Variants in HSPA12B observed in about 807,000 individuals in gnomAD.
HSPA12B encodes heat shock protein family A (Hsp70) member 12B, also known as heat shock 70 kDa protein 12B.
In HSPA12B, 54 loss-of-function variants were observed where a neutral mutation model predicts 69.3. The observed-to-expected ratio is 0.78, with a 90% CI of 0.63 to 0.98. The LOEUF is 0.98. Ranked by LOEUF, HSPA12B falls within the 50% of genes least tolerant of loss-of-function variation. The pLI, the probability that HSPA12B is intolerant of heterozygous loss-of-function variation, is 0.00. For missense variants in HSPA12B, 929 were observed against 999.8 expected, an observed-to-expected ratio of 0.93 and a Z score of 0.96; for synonymous variants, 441 against 436.5, an observed-to-expected ratio of 1.01 and a Z score of -0.13.
intron 12 of HSPA12B, 196 bp from the exon 13 acceptor site, chr20:3,751,315 T>C (rs1600332539): frequency 1.0e-6 from 1 of 985,310 alleles, no homozygotes; most frequent in African/African-American, 1.7e-5. Flanking sequence ...GCGTGAGTGT[T>C]GGGGAGGCGA....
At position 3,745,108 on chromosome 20, in the gene HSPA12B, A is replaced by G. The variant is rs757542792; in HGVS notation, c.453+20A>G. 1 of 1,593,630 alleles carries G rather than the reference A, an allele frequency of 6.3e-7. No individual in the cohort carries two copies. The highest frequency in any genetic ancestry group is 8.6e-7 in the Non-Finnish European group (1 of 1,165,062). On this transcript the variant is annotated intron_variant, in intron 5 of 12. Transcript: ENST00000254963. This position sits in a 1 kb window ranked among gnomAD's most constrained non-coding sequence, Gnocchi z 5.6. The stretch of plus-strand genomic sequence containing the variant: ...GCCACGGTGAGTCACAGGGCTCCAG[A>G]CAGGGAGGCGGGGCCAGCATGGAAA...
chr20:3,742,245 C>T lies in HSPA12B; in HGVS notation c.142-39C>T, dbSNP rs115920834. 5.0e-6 allele frequency: 8 copies of T among 1,607,164 alleles called. No homozygotes were observed. In the African/African-American group the frequency reaches 9.3e-5, roughly 19 times the overall value. On this transcript the variant is annotated intron_variant, in intron 3 of 12. Transcript: ENST00000254963. ...GGGGCTGTGGGGGATGGGGGTGTCC[C>T]TGCTGGCTGCTTGCTAATTCTAAGT...
chr20:3,739,234 TTGAA>T (rs1026006360), intron 2 of HSPA12B, among the ~76,000 whole-genome samples: 1 of 139,752 alleles, frequency 7.2e-6, no homozygotes. Context: ...ACAGGAGTGT[TTGAA>T]TGTCCATGTG....
At position 3,742,358 on chromosome 20, in the gene HSPA12B, T is replaced by G; in HGVS notation, c.216T>G (p.Ser72Arg). The change falls in exon 4 of 13, where the codon AGT (serine) becomes AGG (arginine). Residue 72 changes from serine (S) to arginine (R), a missense_variant. Physicochemically the swap from Ser to Arg is moderately radical, Grantham distance 110 (BLOSUM62 -1). Around this residue, in one of 3 missense-constraint regions of HSPA12B, gnomAD observed 477 missense variants for 535.2 expected, o/e 0.89. Transcript: ENST00000254963. The part of the protein sequence containing the change: ...VVAIDFGTTS[S>R]GYAFSFASDP... ...CCATTGACTTCGGCACCACGTCTAG[T>G]GGCTATGCTTTCAGCTTTGCCAGTG... 1 of 1,614,104 alleles carries G rather than the reference T, an allele frequency of 6.2e-7. No homozygotes were observed. The highest frequency in any genetic ancestry group is 1.1e-5 in the South Asian group (1 of 91,076).
rs750990283 is a variant in HSPA12B at position 3,751,978 on chromosome 20, C to A, written c.1873C>A (p.Arg625Ser). 1 of 1,576,344 alleles carries A rather than the reference C, an allele frequency of 6.3e-7. No homozygotes were observed. Among genetic ancestry groups the A allele is most frequent in the Admixed American group, 1.8e-5 (1 of 56,666 alleles). ...DARFITDPGV[R>S]KCGALSLELE... ...GCGCTTCATCACCGACCCCGGCGTG[C>A]GCAAATGCGGCGCGCTCAGCCTCGA... is the stretch of plus-strand genomic sequence containing the variant. The change falls in exon 13 of 13, where the codon CGC becomes AGC. Residue 625 changes from arginine (R) to serine (S), a missense_variant. Around this residue, in one of 3 missense-constraint regions of HSPA12B, gnomAD observed 448 missense variants for 448.1 expected, o/e 1.00. Coordinates refer to ENST00000254963, the MANE Select transcript of HSPA12B (RefSeq NM_052970.5).
intron 12 of HSPA12B, 68 bp downstream of exon 12, chr20:3,750,975 C>G (rs2474437): frequency 7.5e-5 from 99 of 1,312,120 alleles, no homozygotes; most frequent in Non-Finnish European, 9.6e-5. Flanking sequence ...AATTCCCCCC[C>G]ATCAGTGCCT....
At chr20:3,741,588 G>T (rs982588191) in intron 3 of HSPA12B, among the ~76,000 whole-genome samples, 2 of 152,118 alleles carry the variant, frequency 1.3e-5, no homozygotes, top group Non-Finnish European at 2.9e-5. Flanking sequence ...AGCCAAGATC[G>T]CACCACTGCA....
At position 3,740,944 on chromosome 20, in the gene HSPA12B, G is replaced by A. The variant is rs2146563871; in HGVS notation, c.141+32G>A. The A allele has an allele frequency of 1.9e-6, 3 of 1,575,470 alleles. No individual in the cohort carries two copies. The highest frequency in any genetic ancestry group is 2.6e-6 in the Non-Finnish European group (3 of 1,152,144). Reference sequence around the variant, plus strand: ...CCAGAGCAGGGACCAGGTGGTGGGTGACCTGGCTGGTGTGGACAGGGTCGT... The same window carrying A: ...CCAGAGCAGGGACCAGGTGGTGGGTAACCTGGCTGGTGTGGACAGGGTCGT... On this transcript the variant is annotated intron_variant, in intron 3 of 12. Transcript: ENST00000254963. This position sits in a 1 kb window ranked among gnomAD's most constrained non-coding sequence, Gnocchi z 4.9.
intron 4 of HSPA12B, among the ~76,000 whole-genome samples, chr20:3,742,624 AG>A (rs2088221984): frequency 6.6e-6 from 1 of 152,230 alleles, no homozygotes. Flanking sequence ...AGGAAAAGTC[AG>A]ACTTTGTTTT....
At chr20:3,746,128 C>G in intron 7 of HSPA12B, 97 bp downstream of exon 7, 1 of 856,398 alleles carries the variant, frequency 1.2e-6, no homozygotes. Context: ...ACCACAGAGT[C>G]ATTGTGGAAA....
In HSPA12B at chr20:3,742,405, T is replaced by G; in HGVS notation, c.263T>G (p.Met88Arg). 1 of 1,609,550 alleles carries G rather than the reference T, an allele frequency of 6.2e-7. No homozygotes were observed. The highest frequency in any genetic ancestry group is 8.5e-7 in the Non-Finnish European group (1 of 1,176,502). The change falls in exon 4 of 13, where the codon ATG (methionine) becomes AGG (arginine). Residue 88 changes from methionine to arginine, a missense_variant. This residue lies in a region of HSPA12B where 477 missense variants were observed against 535.2 expected (regional missense o/e 0.89). Coordinates refer to ENST00000254963, the MANE Select transcript of HSPA12B (RefSeq NM_052970.5). ...AGTGACCCTGAGGCCATCCACATGA[T>G]GAGGTGAGGTCGGCTGGGCTGAGAG... is the stretch of plus-strand genomic sequence containing the variant. ...FASDPEAIHMMRKWEGGDPGV... is the reference protein window; with the variant it reads ...FASDPEAIHMRRKWEGGDPGV...
chr20:3,750,156 G>GC lies in HSPA12B; in HGVS notation c.1233dup (p.Phe412LeufsTer5). The stretch of plus-strand genomic sequence containing the variant: ...GTGCAGGGGCGCTCAACATCTCGCT[G>GC]CCCTTCTCCTTCATTGACTTCTACC... On this transcript the variant is annotated frameshift_variant, in exon 11 of 13. Coordinates refer to ENST00000254963, the MANE Select transcript of HSPA12B (RefSeq NM_052970.5). LOFTEE classifies it high-confidence loss of function. The GC allele has an allele frequency of 1.2e-6, 2 of 1,611,626 alleles. No individual in the cohort carries two copies. The highest frequency in any genetic ancestry group is 2.2e-5 in the South Asian group (2 of 90,904).
At position 3,745,723 on chromosome 20, in the gene HSPA12B, T is replaced by A. The variant is rs2088288912; in HGVS notation, c.558+126T>A. On this transcript the variant is annotated intron_variant, in intron 6 of 12. Transcript: ENST00000254963. The surrounding 1 kb of genome is among the most constrained non-coding windows in gnomAD (Gnocchi z 5.6). ...CCACCGCCGGAGCTCAGAGGTCATC[T>A]TCTCCAGTACCCTCCTCCCTTTTTG... 4.2e-6 allele frequency: 4 copies of A among 948,312 alleles called. No individual in the cohort carries two copies. The highest frequency in any genetic ancestry group is 6.7e-6 in the Non-Finnish European group (4 of 601,058). The allele number at this position is 948,312 out of a possible 1,614,324, so 58.7% of individuals were successfully genotyped here.
At position 3,744,782 on chromosome 20, in the gene HSPA12B, CG is replaced by C. The variant is rs1232900454; in HGVS notation, c.267-119del. 1.2e-6 allele frequency: 1 copy of C among 865,592 alleles called. No homozygotes were observed. The highest frequency in any genetic ancestry group is 1.8e-6 in the Non-Finnish European group (1 of 554,826). The allele number at this position is 865,592 out of a possible 1,614,324, so 53.6% of individuals were successfully genotyped here. Reference sequence around the variant, plus strand: ...TGTTTTCTCCTGCTGCCTATGGAGCCGACCCATAGCTAGTTCTCCCTGCTCT... The same window carrying C: ...TGTTTTCTCCTGCTGCCTATGGAGCCACCCATAGCTAGTTCTCCCTGCTCT... On this transcript the variant is annotated intron_variant, in intron 4 of 12. Coordinates refer to ENST00000254963, the MANE Select transcript of HSPA12B (RefSeq NM_052970.5). This position sits in a 1 kb window ranked among gnomAD's most constrained non-coding sequence, Gnocchi z 4.9.
In HSPA12B at chr20:3,742,218, T is replaced by C. The variant is rs1014133690; in HGVS notation, c.142-66T>C. 95 of 1,587,846 alleles carry C rather than the reference T, an allele frequency of 6.0e-5. No homozygotes were observed. In the South Asian group the frequency reaches 6.7e-4, roughly 11 times the overall value. On this transcript the variant is annotated intron_variant, in intron 3 of 12. Coordinates refer to ENST00000254963, the MANE Select transcript of HSPA12B (RefSeq NM_052970.5). ...GTGTCTTCCCCATGCAGAGGAAGCA[T>C]TGGGGCTGTGGGGGATGGGGGTGTC...
At position 3,749,899 on chromosome 20, in the gene HSPA12B, C is replaced by G; in HGVS notation, c.1042+45C>G. 4 of 1,536,092 alleles carry G rather than the reference C, an allele frequency of 2.6e-6. No homozygotes were observed. Among genetic ancestry groups the G allele is most frequent in the Non-Finnish European group, 3.5e-6 (4 of 1,138,294 alleles). ...CCCGGTACCCAGCGCGACCCGGGCT[C>G]CGGCCCCGCCACTGCCCCCTGGCGG... On this transcript the variant is annotated intron_variant, in intron 10 of 12. Transcript: ENST00000254963. The surrounding 1 kb of genome is among the most constrained non-coding windows in gnomAD (Gnocchi z 5.5).
Position 3,751,512 on chromosome 20 carries a change from G to A in HSPA12B, c.1407G>A (p.Glu469=), listed in dbSNP as rs1406512706. Reference sequence around the variant, plus strand: ...GCGTCCCCCCGTCCTGTCCCGCAGAGGCCCTGCTGGCACGGCCGGAGGTGC... The same window carrying A: ...GCGTCCCCCCGTCCTGTCCCGCAGAAGCCCTGCTGGCACGGCCGGAGGTGC... ...PTVSGIIQHI[E]ALLARPEVQG... The change falls in exon 13 of 13, where the codon GAG becomes GAA. Residue 469 remains glutamate, a splice_region_variant and synonymous_variant. Transcript: ENST00000254963. 2 of 1,429,196 alleles carry A rather than the reference G, an allele frequency of 1.4e-6. No homozygotes were observed. Among genetic ancestry groups the A allele is most frequent in the Non-Finnish European group, 1.8e-6 (2 of 1,092,450 alleles). 88.5% of individuals were successfully genotyped at this position (1,429,196 alleles called of 1,614,324 possible). A position where few individuals can be genotyped will look rare whatever the true frequency, so the allele number is the denominator to read the frequency against.
intron 12 of HSPA12B, chr20:3,751,186 T>C (rs1455011644): frequency 2.3e-5 from 21 of 909,868 alleles, no homozygotes; most frequent in Middle Eastern, 5.6e-4. Context: ...AGGGATAAAA[T>C]GAGCTGAAGT....
intron 7 of HSPA12B, among the ~76,000 whole-genome samples, chr20:3,746,594 G>A (rs930224881): frequency 3.9e-5 from 6 of 151,980 alleles, no homozygotes; most frequent in African/African-American, 7.2e-5. Context: ...GAGCCACCGC[G>A]CCCGGCCAAG....
Sources: allele counts gnomAD v4.1 joint callset (sites outside exome capture counted in the v4.1 genomes callset), GRCh38; gene constraint gnomAD v4.1.1; regional missense constraint gnomAD v4.1.1; non-coding constraint Gnocchi (gnomAD v3.1); transcripts MANE v1.5; gene names NCBI Gene and HGNC (gene_info 2026-07-23, HGNC 2026-07-21).